The following PCLO variants were observed in gnomAD, a reference collection of about 807,000 sequenced individuals.
The protein encoded by PCLO is piccolo presynaptic cytomatrix protein.
Under a neutral mutation model 427.5 loss-of-function variants are expected in PCLO, and 82 were observed. The observed-to-expected ratio is 0.19, with a 90% confidence interval of 0.16 to 0.23. The LOEUF is 0.23. PCLO is among the 10% of genes least tolerant of loss of function. The pLI is 1.00. For synonymous variants in PCLO, 2,357 were observed against 2,155.4 expected, an observed-to-expected ratio of 1.09 and a Z score of -2.59; for missense variants, 6,239 against 6,115.9, an observed-to-expected ratio of 1.02 and a Z score of -0.67.
chr7:82,800,185 C>G (rs1231400298), intron 22 of PCLO, among the ~76,000 whole-genome samples: 1 of 152,114 alleles, frequency 6.6e-6, no homozygotes, highest in Non-Finnish European at 1.5e-5. Context: ...TCGAATAGAA[C>G]AAGAAAAATG....
intron 6 of PCLO, among the ~76,000 whole-genome samples, chr7:82,918,565 T>G (rs1224504726): frequency 1.3e-5 from 2 of 152,040 alleles, no homozygotes; most frequent in African/African-American, 4.8e-5. Flanking sequence ...ACTAAAAATA[T>G]TAACATAGAT....
chr7:83,110,001 G>A (rs1435773782), intron 3 of PCLO, among the ~76,000 whole-genome samples: 1 of 151,370 alleles, frequency 6.6e-6, no homozygotes, highest in African/African-American at 2.4e-5. Context: ...CCACATCTCT[G>A]TGCTCAGTTT....
intron 4 of PCLO, among the ~76,000 whole-genome samples, chr7:82,963,343 A>G (rs1418939802): frequency 6.6e-6 from 1 of 152,114 alleles, no homozygotes; most frequent in East Asian, 1.9e-4. Context: ...GTATTTTAAA[A>G]TCCCCACATT....
chr7:82,979,202 T>C (rs1796092776), intron 3 of PCLO, among the ~76,000 whole-genome samples: 1 of 152,082 alleles, frequency 6.6e-6, no homozygotes, highest in Non-Finnish European at 1.5e-5. Context: ...TGAACTTGGT[T>C]TGTGTTTCTT....
chr7:82,980,385 T>C (rs973763972), intron 3 of PCLO, among the ~76,000 whole-genome samples: 1 of 152,188 alleles, frequency 6.6e-6, no homozygotes, highest in Middle Eastern at 3.4e-3. Flanking sequence ...ATAAAATTGC[T>C]CCATGGGGGA....
chr7:82,883,315 TTGAG>T (rs148263492), intron 9 of PCLO, among the ~76,000 whole-genome samples: 9,997 of 152,168 alleles, frequency 0.066, 1,079 homozygotes, highest in African/African-American at 0.22. Context: ...ACTTACACTC[TTGAG>T]TAAGGCTGTG....
At chr7:83,125,180 T>A (rs1415876740) in intron 3 of PCLO, among the ~76,000 whole-genome samples, 1 of 151,960 alleles carries the variant, frequency 6.6e-6, no homozygotes, top group Admixed American at 6.6e-5. Flanking sequence ...CGCCACCCCG[T>A]CTAGGAAGTG....
At chr7:82,851,761 C>T (rs1792661722) in intron 10 of PCLO, among the ~76,000 whole-genome samples, 1 of 152,114 alleles carries the variant, frequency 6.6e-6, no homozygotes, top group African/African-American at 2.4e-5. Context: ...CTATAAAGCG[C>T]TAGCAGCAGC....
Position 83,023,676 on chromosome 7 carries a change from A to G in PCLO, c.3301-57189T>C, listed in dbSNP as rs183962856. Among the ~76,000 whole-genome samples the G allele has an allele frequency of 1.4e-3, 210 of 152,326 alleles. 1 individual carries two copies. Among genetic ancestry groups the G allele is most frequent in the African/African-American group, 4.9e-3 (202 of 41,580 alleles). ...ATTTTTGCTTGCCCCCCAAAAACTGAACATGTCTTGTATGGGTGCCATGAG... is the reference window on the plus strand; with the variant it reads ...ATTTTTGCTTGCCCCCCAAAAACTGGACATGTCTTGTATGGGTGCCATGAG... On this transcript the variant is annotated intron_variant, in intron 3 of 24. Coordinates refer to ENST00000333891, the MANE Select transcript of PCLO (RefSeq NM_033026.6).
At chr7:82,810,674 G>C (rs1176702285) in intron 20 of PCLO, among the ~76,000 whole-genome samples, 1 of 151,694 alleles carries the variant, frequency 6.6e-6, no homozygotes, top group East Asian at 1.9e-4. Context: ...TTCTTTGGCT[G>C]TTAGATGGTT....
intron 3 of PCLO, among the ~76,000 whole-genome samples, chr7:82,973,648 G>A (rs1157933138): frequency 6.6e-6 from 1 of 151,730 alleles, no homozygotes; most frequent in Non-Finnish European, 1.5e-5. Flanking sequence ...TCACACTTCT[G>A]TATAACAAAT....
At chr7:82,822,053 A>AGAATC in intron 20 of PCLO, 1 of 994,010 alleles carries the variant, frequency 1.0e-6, no homozygotes, top group Non-Finnish European at 1.2e-6. Flanking sequence ...TTCAGATACA[A>AGAATC]GAATCTAATT....
At chr7:82,811,415 T>C (rs1388563301) in intron 20 of PCLO, among the ~76,000 whole-genome samples, 1 of 151,604 alleles carries the variant, frequency 6.6e-6, no homozygotes, top group Non-Finnish European at 1.5e-5. Flanking sequence ...GTTATTGCTG[T>C]TACTGTTTTT....
intron 16 of PCLO, among the ~76,000 whole-genome samples, chr7:82,832,444 G>A (rs927746888): frequency 2.6e-5 from 4 of 151,786 alleles, no homozygotes; most frequent in South Asian, 2.1e-4. Flanking sequence ...TAGTAGAGAC[G>A]GGGTTTCACC....
chr7:82,831,056 A>C (rs1423340603), intron 16 of PCLO, among the ~76,000 whole-genome samples: 1 of 152,114 alleles, frequency 6.6e-6, no homozygotes, highest in Non-Finnish European at 1.5e-5. Context: ...AGCATATTAA[A>C]ATCATAACTA....
intron 9 of PCLO, among the ~76,000 whole-genome samples, chr7:82,884,634 A>G (rs1444404705): frequency 6.6e-6 from 1 of 152,324 alleles, no homozygotes; most frequent in East Asian, 1.9e-4. Flanking sequence ...AAGGCAATGA[A>G]AAGGAAATTT....
intron 3 of PCLO, among the ~76,000 whole-genome samples, chr7:82,978,999 A>G (rs1160012303): frequency 2.0e-5 from 3 of 152,134 alleles, no homozygotes; most frequent in Admixed American, 6.6e-5. Context: ...GATAAATATC[A>G]GTTATAGAAT....
At chr7:83,107,986 TAAAAAAA>T (rs58192300) in intron 3 of PCLO, among the ~76,000 whole-genome samples, 2 of 95,398 alleles carry the variant, frequency 2.1e-5, no homozygotes, top group Admixed American at 1.2e-4. Context: ...AGACTCCGTC[TAAAAAAA>T]AAAAAAAAAA....
chr7:82,821,793 G>A (rs997103181), intron 20 of PCLO: 24 of 981,934 alleles, frequency 2.4e-5, no homozygotes, highest in Non-Finnish European at 2.9e-5. Context: ...GCTCCTCAGT[G>A]AGGTTGCATT....
Sources: allele counts gnomAD v4.1 joint callset (sites outside exome capture counted in the v4.1 genomes callset), GRCh38; gene constraint gnomAD v4.1.1; transcripts MANE v1.5; gene names NCBI Gene and HGNC (gene_info 2026-07-23, HGNC 2026-07-21).